The following TMEM117 variants were observed in gnomAD, a reference collection of about 807,000 sequenced individuals.
The protein encoded by TMEM117 is transmembrane protein 117.
TMEM117 carries 27 observed loss-of-function variants against 52.4 expected under a neutral mutation model. The ratio of observed to expected loss-of-function variants is 0.51; its 90% confidence interval spans 0.38 to 0.71. TMEM117 has a LOEUF of 0.71. TMEM117 is among the 30% of genes least tolerant of loss of function. The probability of loss-of-function intolerance (pLI) is 0.00; values close to 1 mark genes in which losing one functional copy is unlikely to be tolerated. For missense variants in TMEM117, 556 were observed against 630.5 expected (o/e 0.88, Z 1.26); for synonymous variants, 215 against 206.3 (o/e 1.04, Z -0.36).
chr12:44,299,517 T>G (rs112834362), intron 5 of TMEM117, 63 bp from the exon 6 acceptor site: 3 of 1,566,216 alleles, frequency 1.9e-6, no homozygotes, highest in Non-Finnish European at 8.7e-7. Context: ...ACAGATAACA[T>G]GCACTCTCTA....
chr12:43,937,993 C>T (rs193088027), intron 2 of TMEM117, among the ~76,000 whole-genome samples: 103 of 152,064 alleles, frequency 6.8e-4, no homozygotes, highest in South Asian at 8.3e-4. Flanking sequence ...CTTTATTTTG[C>T]GGCTTGTGCT....
At chr12:44,148,761 C>T (rs1290423651) in intron 4 of TMEM117, among the ~76,000 whole-genome samples, 3 of 152,080 alleles carry the variant, frequency 2.0e-5, no homozygotes, top group Non-Finnish European at 4.4e-5. Flanking sequence ...TAACACCCAA[C>T]ACAGAACCAG....
intron 3 of TMEM117, among the ~76,000 whole-genome samples, chr12:44,016,279 G>T (rs1446669376): frequency 6.6e-6 from 1 of 152,160 alleles, no homozygotes; most frequent in African/African-American, 2.4e-5. Flanking sequence ...GCCAGTCCCA[G>T]CCTCTGGGTG....
intron 4 of TMEM117, among the ~76,000 whole-genome samples, chr12:44,167,666 CA>C (rs902191180): frequency 1.0e-3 from 157 of 149,606 alleles, no homozygotes; most frequent in African/African-American, 3.8e-3. Context: ...GACTCTGTCT[CA>C]AAAAAAAAGA....
intron 3 of TMEM117, among the ~76,000 whole-genome samples, chr12:43,952,035 T>A (rs1945232079): frequency 6.6e-6 from 1 of 152,044 alleles, no homozygotes; most frequent in African/African-American, 2.4e-5. Context: ...GCAGCAGACC[T>A]GCAGAAGAGG....
At chr12:44,344,900 C>T (rs905899628) in intron 6 of TMEM117, among the ~76,000 whole-genome samples, 19 of 151,986 alleles carry the variant, frequency 1.3e-4, no homozygotes, top group African/African-American at 4.6e-4. Context: ...CTTATGCCTT[C>T]TGTTGGGACA....
the TMEM117 span, among the ~76,000 whole-genome samples, chr12:43,816,089 A>G: frequency 6.6e-6 from 1 of 152,180 alleles, no homozygotes; most frequent in African/African-American, 2.4e-5. Flanking sequence ...TTGTGCACAA[A>G]TTGTAAGGGT....
At chr12:44,324,398 C>T (rs1470333721) in intron 6 of TMEM117, among the ~76,000 whole-genome samples, 1 of 152,074 alleles carries the variant, frequency 6.6e-6, no homozygotes, top group Non-Finnish European at 1.5e-5. Flanking sequence ...ATCCTTTATA[C>T]TGTAAACTTG....
At chr12:44,046,444 G>A (rs1166767978) in intron 3 of TMEM117, among the ~76,000 whole-genome samples, 2 of 152,146 alleles carry the variant, frequency 1.3e-5, no homozygotes, top group African/African-American at 2.4e-5. Context: ...TGATCCATTA[G>A]GGCATCTCTT....
At chr12:44,317,139 TCC>T (rs1951066162) in intron 6 of TMEM117, among the ~76,000 whole-genome samples, 1 of 151,034 alleles carries the variant, frequency 6.6e-6, no homozygotes, top group African/African-American at 2.4e-5. Context: ...TCTAGTGTGA[TCC>T]TTTGGTGGAG....
chr12:44,028,790 C>T (rs1164610244), intron 3 of TMEM117, among the ~76,000 whole-genome samples: 1 of 152,204 alleles, frequency 6.6e-6, no homozygotes, highest in Non-Finnish European at 1.5e-5. Flanking sequence ...CATAAACTTG[C>T]CTTCACTTCG....
At chr12:44,012,052 A>C (rs559478153) in intron 3 of TMEM117, among the ~76,000 whole-genome samples, 37 of 152,198 alleles carry the variant, frequency 2.4e-4, no homozygotes, top group Non-Finnish European at 4.4e-4. Flanking sequence ...CACTGTTGAC[A>C]GAGGGCAACT....
chr12:43,821,606 A>T, the TMEM117 span, among the ~76,000 whole-genome samples: 2 of 152,178 alleles, frequency 1.3e-5, no homozygotes, highest in Non-Finnish European at 2.9e-5. Context: ...TTTGTATATT[A>T]ATTTCATATT....
At chr12:44,324,512 C>T (rs974656737) in intron 6 of TMEM117, among the ~76,000 whole-genome samples, 1 of 151,756 alleles carries the variant, frequency 6.6e-6, no homozygotes, top group Non-Finnish European at 1.5e-5. Flanking sequence ...CAGGGTACTA[C>T]ATTAAAAATG....
chr12:43,992,986 T>A (rs1428793870), intron 3 of TMEM117, among the ~76,000 whole-genome samples: 2 of 152,138 alleles, frequency 1.3e-5, no homozygotes, highest in Non-Finnish European at 2.9e-5. Context: ...ATTGAATGAA[T>A]AACAATACAC....
chr12:44,095,903 A>G (rs55934849), intron 3 of TMEM117, among the ~76,000 whole-genome samples: 18,755 of 152,044 alleles, frequency 0.12, 1,366 homozygotes, highest in African/African-American at 0.21. Context: ...AGGGTATTCA[A>G]TTAGGAAAAG....
At chr12:44,327,566 G>A (rs1951212773) in intron 6 of TMEM117, among the ~76,000 whole-genome samples, 1 of 152,082 alleles carries the variant, frequency 6.6e-6, no homozygotes, top group South Asian at 2.1e-4. Flanking sequence ...AAAAGAGAAT[G>A]TGCATAGTTA....
At chr12:44,051,041 A>G (rs866387707) in intron 3 of TMEM117, among the ~76,000 whole-genome samples, 7 of 152,192 alleles carry the variant, frequency 4.6e-5, no homozygotes, top group Admixed American at 3.3e-4. Flanking sequence ...GAAGACAACA[A>G]TAATAATCTC....
At chr12:44,296,806 T>G (rs984491150) in intron 5 of TMEM117, among the ~76,000 whole-genome samples, 1 of 152,172 alleles carries the variant, frequency 6.6e-6, no homozygotes, top group Admixed American at 6.5e-5. Flanking sequence ...TTGTACAAAG[T>G]GCATGTGGGC....
Sources: allele counts gnomAD v4.1 joint callset (sites outside exome capture counted in the v4.1 genomes callset), GRCh38; gene constraint gnomAD v4.1.1; transcripts MANE v1.5; gene names NCBI Gene and HGNC (gene_info 2026-07-23, HGNC 2026-07-21).